Variants in OTOGL observed in about 807,000 individuals in gnomAD.
OTOGL encodes the protein otogelin like.
A neutral mutation model predicts 318.5 loss-of-function variants in OTOGL; 285 were observed. That is an observed-to-expected ratio of 0.89 (90% CI 0.81 to 0.99). OTOGL has a LOEUF of 0.99. Ranked by LOEUF, OTOGL falls within the 50% of genes least tolerant of loss-of-function variation. OTOGL has a pLI of 0.00. For missense variants in OTOGL, 2,899 were observed against 2,845.6 expected (o/e 1.02, Z -0.43); for synonymous variants, 987 against 936.5 (o/e 1.05, Z -0.99).
intron 36 of OTOGL, 148 bp downstream of exon 36, chr12:80,328,892 C>T (rs761977275): frequency 7.3e-5 from 76 of 1,037,854 alleles, no homozygotes; most frequent in Non-Finnish European, 9.8e-5. Flanking sequence ...GCTTTTTTTC[C>T]CTAATTACTT....
At chr12:80,182,896 A>T (rs931356701) in intron 1 of OTOGL, among the ~76,000 whole-genome samples, 1 of 152,198 alleles carries the variant, frequency 6.6e-6, no homozygotes, top group African/African-American at 2.4e-5. Flanking sequence ...ATGCATGAAT[A>T]GCTTAGAGAG....
At chr12:80,317,992 T>C (rs951369252) in intron 32 of OTOGL, among the ~76,000 whole-genome samples, 1 of 152,124 alleles carries the variant, frequency 6.6e-6, no homozygotes, top group African/African-American at 2.4e-5. Context: ...TCCCAGATGA[T>C]GGGTCAGTGA....
intron 30 of OTOGL, 44 bp downstream of exon 30, chr12:80,310,771 A>G: frequency 1.4e-6 from 2 of 1,454,728 alleles, no homozygotes; most frequent in Non-Finnish European, 1.9e-6. Context: ...AATATGTTCT[A>G]CTGTGTCTAT....
intron 47 of OTOGL, 49 bp downstream of exon 47, chr12:80,355,997 A>C (rs1257309924): frequency 6.4e-7 from 1 of 1,565,444 alleles, no homozygotes; most frequent in Non-Finnish European, 8.8e-7. Flanking sequence ...AAATATGTTG[A>C]TATTCTTTGT....
chr12:80,334,493 G>C (rs769033579), intron 38 of OTOGL, among the ~76,000 whole-genome samples: 1 of 152,052 alleles, frequency 6.6e-6, no homozygotes, highest in Non-Finnish European at 1.5e-5. Flanking sequence ...AATTCTCAGC[G>C]GATAAATGGT....
chr12:80,252,326 G>A, intron 13 of OTOGL, 125 bp downstream of exon 13: 1 of 1,086,248 alleles, frequency 9.2e-7, no homozygotes, highest in Non-Finnish European at 1.2e-6. Flanking sequence ...TTCTGTTCTT[G>A]TAGAAGTTGG....
chr12:80,189,143 T>C (rs867058742), intron 1 of OTOGL, among the ~76,000 whole-genome samples: 5 of 152,316 alleles, frequency 3.3e-5, no homozygotes, highest in Middle Eastern at 3.4e-3. Flanking sequence ...GTATCATAAA[T>C]AGATACTCAG....
intron 1 of OTOGL, among the ~76,000 whole-genome samples, chr12:80,156,078 G>A (rs1425861324): frequency 6.6e-6 from 1 of 152,196 alleles, no homozygotes; most frequent in Non-Finnish European, 1.5e-5. Flanking sequence ...TTTCCTGGGT[G>A]TGCCTGTGAA....
intron 1 of OTOGL, among the ~76,000 whole-genome samples, chr12:80,102,673 T>C (rs1869210564): frequency 6.6e-6 from 1 of 152,170 alleles, no homozygotes; most frequent in African/African-American, 2.4e-5. Context: ...CTCACTGTAG[T>C]CAGGGTGTTT....
At chr12:80,149,270 ACAGACAGGACC>A (rs1872610993) in intron 1 of OTOGL, among the ~76,000 whole-genome samples, 1 of 151,550 alleles carries the variant, frequency 6.6e-6, no homozygotes. Context: ...TTTCCTTCTA[ACAGACAGGACC>A]CTCAGCTGCA....
At chr12:80,108,799 A>ATGTATATATATATG (rs1565863139) in intron 1 of OTOGL, among the ~76,000 whole-genome samples, 11 of 80,726 alleles carry the variant, frequency 1.4e-4, no homozygotes, top group African/African-American at 4.0e-4. Context: ...ATATATATAT[A>ATGTATATATATATG]TGTATATATA....
At chr12:80,112,705 C>CTTTTTTTTTTTTTTTTTT (rs546093754) in intron 1 of OTOGL, among the ~76,000 whole-genome samples, 1 of 128,672 alleles carries the variant, frequency 7.8e-6, no homozygotes. Flanking sequence ...CTGAAATTTT[C>CTTTTTTTTTTTTTTTTTT]TTTCTTTTTT....
chr12:80,190,583 C>A (rs1447773371), intron 1 of OTOGL, among the ~76,000 whole-genome samples: 1 of 151,530 alleles, frequency 6.6e-6, no homozygotes, highest in Non-Finnish European at 1.5e-5. Context: ...GTCAGGAGAT[C>A]GAGACCATCC....
chr12:80,108,953 TACACACACAC>T (rs1290126061), intron 1 of OTOGL, among the ~76,000 whole-genome samples: 2 of 142,732 alleles, frequency 1.4e-5, no homozygotes. Flanking sequence ...TATATATATA[TACACACACAC>T]ATATATAATT....
At chr12:80,331,537 G>A (rs1215466128) in intron 37 of OTOGL, among the ~76,000 whole-genome samples, 5 of 151,422 alleles carry the variant, frequency 3.3e-5, no homozygotes, top group African/African-American at 1.2e-4. Flanking sequence ...GCGGGGTTTC[G>A]CCATGTTGGC....
intron 1 of OTOGL, chr12:80,103,419 G>C (rs534867762): frequency 1.5e-6 from 1 of 672,360 alleles, no homozygotes; most frequent in Non-Finnish European, 2.6e-6. Context: ...CTTCTCACTT[G>C]CTGTCCCTAT....
intron 18 of OTOGL, among the ~76,000 whole-genome samples, chr12:80,258,595 A>G (rs543404438): frequency 6.6e-6 from 1 of 152,256 alleles, no homozygotes; most frequent in South Asian, 2.1e-4. Context: ...GAAAAGAAGC[A>G]GTTTATAATT....
chr12:80,277,006 A>G (rs1439592267), intron 24 of OTOGL, among the ~76,000 whole-genome samples: 2 of 151,104 alleles, frequency 1.3e-5, no homozygotes, highest in Non-Finnish European at 3.0e-5. Context: ...GTTAATTTTT[A>G]TAATCTTGAA....
At chr12:80,366,155 C>A (rs1463442379) in intron 52 of OTOGL, 2 of 203,834 alleles carry the variant, frequency 9.8e-6, no homozygotes, top group Admixed American at 5.6e-5. Context: ...TGCCCTAAAT[C>A]AAAAAGTTAG....
Sources: allele counts gnomAD v4.1 joint callset (sites outside exome capture counted in the v4.1 genomes callset), GRCh38; gene constraint gnomAD v4.1.1; transcripts MANE v1.5; gene names NCBI Gene and HGNC (gene_info 2026-07-23, HGNC 2026-07-21).